The following NUMB variants were observed in gnomAD, a reference collection of about 807,000 sequenced individuals.
NUMB encodes the protein protein numb homolog.
NUMB carries 29 observed loss-of-function variants against 59.7 expected under a neutral mutation model. The observed-to-expected ratio is 0.49, with a 90% CI of 0.36 to 0.66. The LOEUF (loss-of-function observed/expected upper bound fraction) is 0.66. NUMB is among the 30% of genes least tolerant of loss of function. The probability of loss-of-function intolerance (pLI) is 0.00; values close to 1 mark genes in which losing one functional copy is unlikely to be tolerated. For missense variants in NUMB, 723 were observed against 822.0 expected (o/e 0.88, Z 1.47); for synonymous variants, 288 against 288.2 (o/e 1.00, Z 0.01).
chr14:73,358,799 T>C (rs1004892667), intron 3 of NUMB, among the ~76,000 whole-genome samples: 1 of 152,160 alleles, frequency 6.6e-6, no homozygotes, highest in African/African-American at 2.4e-5. Flanking sequence ...ACACTGCCTG[T>C]CATATATAGC....
At chr14:73,317,354 T>G (rs1308084226) in intron 5 of NUMB, among the ~76,000 whole-genome samples, 4 of 152,202 alleles carry the variant, frequency 2.6e-5, no homozygotes. Context: ...CAGGATGGAG[T>G]GCAGTGGCAC....
intron 5 of NUMB, among the ~76,000 whole-genome samples, chr14:73,318,586 T>G (rs1891209035): frequency 6.6e-6 from 1 of 152,190 alleles, no homozygotes; most frequent in East Asian, 1.9e-4. Flanking sequence ...TTATACACTT[T>G]TTTATGGAAT....
intron 2 of NUMB, among the ~76,000 whole-genome samples, chr14:73,397,992 G>C (rs1896217749): frequency 6.6e-6 from 1 of 152,206 alleles, no homozygotes. Flanking sequence ...TCAAGGGCTA[G>C]AAGTGTCTGT....
chr14:73,349,165 G>C (rs1367832682), intron 4 of NUMB, among the ~76,000 whole-genome samples: 1 of 152,196 alleles, frequency 6.6e-6, no homozygotes, highest in East Asian at 1.9e-4. Flanking sequence ...CTGGAACCAG[G>C]CACTCTGGCT....
intron 4 of NUMB, among the ~76,000 whole-genome samples, chr14:73,350,078 T>TACACACATACACACAC (rs1555373558): frequency 7.3e-6 from 1 of 137,698 alleles, no homozygotes; most frequent in African/African-American, 2.9e-5. Flanking sequence ...CATACATACA[T>TACACACATACACACAC]ACACACACAC....
chr14:73,320,727 T>A (rs970667526), intron 5 of NUMB, among the ~76,000 whole-genome samples: 3 of 152,210 alleles, frequency 2.0e-5, no homozygotes, highest in Non-Finnish European at 4.4e-5. Context: ...GTTACTACTA[T>A]GTGCCAGCCA....
intron 1 of NUMB, among the ~76,000 whole-genome samples, chr14:73,457,390 G>C (rs968296722): frequency 6.6e-6 from 1 of 152,024 alleles, no homozygotes; most frequent in Non-Finnish European, 1.5e-5. Context: ...TATTAATTAC[G>C]AAACTGAAGT....
chr14:73,298,925 A>C (rs899067644), intron 6 of NUMB: 2 of 152,250 alleles, frequency 1.3e-5, no homozygotes, highest in African/African-American at 2.4e-5. Context: ...GGTAAATGCT[A>C]CAGTAGAGCT....
intron 1 of NUMB, among the ~76,000 whole-genome samples, chr14:73,421,368 A>G (rs1322023792): frequency 6.6e-6 from 1 of 152,076 alleles, no homozygotes; most frequent in Non-Finnish European, 1.5e-5. Flanking sequence ...TATTTTTAGT[A>G]GAGACGGGGT....
chr14:73,395,196 G>A (rs2140105731), intron 2 of NUMB, among the ~76,000 whole-genome samples: 2 of 146,588 alleles, frequency 1.4e-5, no homozygotes, highest in Admixed American at 1.3e-4. Flanking sequence ...AGCTACACAT[G>A]ATGTATACAC....
chr14:73,422,002 T>A (rs1897367722), intron 1 of NUMB, among the ~76,000 whole-genome samples: 1 of 151,914 alleles, frequency 6.6e-6, no homozygotes, highest in Admixed American at 6.6e-5. Context: ...TAGCCCGGTG[T>A]AGTGATGGGT....
rs944477070 is a variant in NUMB at position 73,367,388 on chromosome 14, T to C, written c.-100-407A>G. Reference sequence around the variant, plus strand: ...AGAGAGAGAGAGACAAATAGGATATTGTTATTTATTGAGAGCAACTCCCAC... The same window carrying C: ...AGAGAGAGAGAGACAAATAGGATATCGTTATTTATTGAGAGCAACTCCCAC... On this transcript the variant is annotated intron_variant, in intron 2 of 12. Transcript: ENST00000555238. Among the ~76,000 whole-genome samples the C allele has an allele frequency of 8.3e-5, 10 of 120,276 alleles. No homozygotes were observed. The East Asian group carries it at 2.1e-3, about 26-fold the overall frequency. The allele number at this position is 120,276 out of a possible 152,430, so 78.9% of individuals were successfully genotyped here. A position where few individuals can be genotyped will look rare whatever the true frequency, so the allele number is the denominator to read the frequency against.
At chr14:73,379,581 T>C (rs946405302) in intron 2 of NUMB, among the ~76,000 whole-genome samples, 13 of 152,312 alleles carry the variant, frequency 8.5e-5, no homozygotes, top group African/African-American at 3.1e-4. Flanking sequence ...GCGGCTCTTC[T>C]AAATAAATAG....
chr14:73,433,996 G>C (rs1239791555), intron 1 of NUMB, among the ~76,000 whole-genome samples: 4 of 152,214 alleles, frequency 2.6e-5, no homozygotes, highest in African/African-American at 9.6e-5. Context: ...CAGAGGCTGA[G>C]GCAGGAGAAT....
At chr14:73,335,946 G>C (rs1164624272) in intron 4 of NUMB, among the ~76,000 whole-genome samples, 2 of 152,152 alleles carry the variant, frequency 1.3e-5, no homozygotes, top group Non-Finnish European at 2.9e-5. Context: ...ATTAAAATGG[G>C]CTATTCTTTA....
chr14:73,401,891 T>TCTCG (rs3028733), intron 2 of NUMB, among the ~76,000 whole-genome samples: 2 of 150,390 alleles, frequency 1.3e-5, no homozygotes, highest in African/African-American at 2.4e-5. Context: ...TGAGACAGGG[T>TCTCG]CTCTGTCACC....
chr14:73,332,183 T>C (rs1892016730), intron 4 of NUMB, among the ~76,000 whole-genome samples: 1 of 152,196 alleles, frequency 6.6e-6, no homozygotes, highest in African/African-American at 2.4e-5. Flanking sequence ...TCTAATTATC[T>C]GCTTTGTGTA....
intron 4 of NUMB, among the ~76,000 whole-genome samples, chr14:73,335,055 T>C (rs990388527): frequency 5.9e-5 from 9 of 152,034 alleles, no homozygotes; most frequent in Non-Finnish European, 1.2e-4. Context: ...TGTAGTATTA[T>C]ATACCTGTGC....
chr14:73,399,044 ACAGT>A (rs1461374148), intron 2 of NUMB, among the ~76,000 whole-genome samples: 1 of 152,372 alleles, frequency 6.6e-6, no homozygotes, highest in Non-Finnish European at 1.5e-5. Context: ...ACATTATACA[ACAGT>A]CAGTTGTTGT....
Sources: allele counts gnomAD v4.1 joint callset (sites outside exome capture counted in the v4.1 genomes callset), GRCh38; gene constraint gnomAD v4.1.1; transcripts MANE v1.5; gene names NCBI Gene and HGNC (gene_info 2026-07-23, HGNC 2026-07-21).